The following CERS6 variants were observed in gnomAD, a reference collection of about 807,000 sequenced individuals.
CERS6 encodes ceramide synthase 6, also known as LAG1 homolog, ceramide synthase 6.
In CERS6, 26 loss-of-function variants were observed where a neutral mutation model predicts 56.8. That is an observed-to-expected ratio of 0.46 (90% CI 0.34 to 0.63). The LOEUF (loss-of-function observed/expected upper bound fraction) is 0.63. Among genes scored for constraint, CERS6 ranks in the 30% least tolerant of loss-of-function variants. CERS6 has a pLI of 0.01. For missense variants in CERS6, 415 were observed against 467.5 expected, an observed-to-expected ratio of 0.89 and a Z score of 1.04; for synonymous variants, 164 against 173.3, an observed-to-expected ratio of 0.95 and a Z score of 0.42.
At chr2:168,587,456 T>C (rs1213245299) in intron 3 of CERS6, among the ~76,000 whole-genome samples, 1 of 152,030 alleles carries the variant, frequency 6.6e-6, no homozygotes, top group Admixed American at 6.6e-5. Context: ...AGAGATGGAG[T>C]TGAAAATAAG....
chr2:168,697,198 T>G (rs546130759), intron 6 of CERS6, among the ~76,000 whole-genome samples: 1 of 152,172 alleles, frequency 6.6e-6, no homozygotes, highest in Non-Finnish European at 1.5e-5. Flanking sequence ...CTTAATATGG[T>G]ATATATCAGC....
At chr2:168,672,252 T>C (rs1213022851) in intron 4 of CERS6, among the ~76,000 whole-genome samples, 2 of 152,238 alleles carry the variant, frequency 1.3e-5, no homozygotes, top group Admixed American at 1.3e-4. Context: ...TTTTCCAACA[T>C]TGCCAGTTTC....
intron 1 of CERS6, among the ~76,000 whole-genome samples, chr2:168,468,602 TCA>T (rs1693923677): frequency 6.6e-6 from 1 of 152,178 alleles, no homozygotes; most frequent in African/African-American, 2.4e-5. Flanking sequence ...TCAGGTTTAT[TCA>T]CACACACAAT....
At chr2:168,736,263 G>A (rs1683714566) in intron 8 of CERS6, among the ~76,000 whole-genome samples, 1 of 152,182 alleles carries the variant, frequency 6.6e-6, no homozygotes, top group South Asian at 2.1e-4. Flanking sequence ...GTATAGCACT[G>A]TGTCTATTTC....
chr2:168,538,281 G>T (rs1695302597), intron 1 of CERS6, among the ~76,000 whole-genome samples: 1 of 150,438 alleles, frequency 6.6e-6, no homozygotes, highest in Non-Finnish European at 1.5e-5. Flanking sequence ...GGCCTAGAAG[G>T]CACTGTGTGT....
intron 3 of CERS6, among the ~76,000 whole-genome samples, chr2:168,626,795 A>C (rs1373900156): frequency 2.0e-5 from 3 of 152,040 alleles, no homozygotes; most frequent in African/African-American, 4.8e-5. Flanking sequence ...TTGCTTCCTT[A>C]TATGGAGTCT....
intron 4 of CERS6, among the ~76,000 whole-genome samples, chr2:168,685,548 A>G (rs1686326485): frequency 6.6e-6 from 1 of 152,162 alleles, no homozygotes; most frequent in South Asian, 2.1e-4. Flanking sequence ...TTGACAATGA[A>G]ACCTCTGTAA....
intron 1 of CERS6, among the ~76,000 whole-genome samples, chr2:168,459,188 AG>A (rs1693732603): frequency 6.6e-6 from 1 of 152,270 alleles, no homozygotes; most frequent in Non-Finnish European, 1.5e-5. Context: ...ACCATACCTA[AG>A]AAATACCCGA....
At chr2:168,655,142 A>G (rs1407530829) in intron 4 of CERS6, among the ~76,000 whole-genome samples, 1 of 152,252 alleles carries the variant, frequency 6.6e-6, no homozygotes, top group African/African-American at 2.4e-5. Flanking sequence ...AAGGTGCTCA[A>G]TATCACTAAG....
intron 1 of CERS6, among the ~76,000 whole-genome samples, chr2:168,521,817 T>C (rs1209918618): frequency 6.6e-6 from 1 of 152,226 alleles, no homozygotes; most frequent in Non-Finnish European, 1.5e-5. Flanking sequence ...AAGATCTAAA[T>C]TAGAAATGGA....
chr2:168,619,426 G>C (rs1406233979), intron 3 of CERS6, among the ~76,000 whole-genome samples: 1 of 152,100 alleles, frequency 6.6e-6, no homozygotes, highest in African/African-American at 2.4e-5. Context: ...AGCACCCACA[G>C]AGTGGGAGAA....
At chr2:168,659,695 T>C (rs944040785) in intron 4 of CERS6, among the ~76,000 whole-genome samples, 5 of 152,084 alleles carry the variant, frequency 3.3e-5, no homozygotes, top group Non-Finnish European at 7.3e-5. Context: ...TTTTTTGTTT[T>C]TGTTTTTTTT....
chr2:168,644,577 A>G lies in CERS6; in HGVS notation c.465+13535A>G, dbSNP rs1685127429. 3.3e-5 allele frequency among the ~76,000 whole-genome samples: 5 copies of G among 152,178 alleles called. No homozygotes were observed. In the South Asian group the frequency reaches 8.3e-4, roughly 25 times the overall value. On this transcript the variant is annotated intron_variant, in intron 4 of 9. Coordinates refer to ENST00000305747, the MANE Select transcript of CERS6 (RefSeq NM_203463.3). ...ATCTGTGTTAGCCACTGCAGCAGCC[A>G]TGCTCCTTGTTGTCCCTGGCATTGG...
At chr2:168,654,268 G>A (rs1685415385) in intron 4 of CERS6, among the ~76,000 whole-genome samples, 1 of 152,144 alleles carries the variant, frequency 6.6e-6, no homozygotes, top group Admixed American at 6.5e-5. Context: ...TGTGTCGTAG[G>A]CCTGGTGTGG....
At chr2:168,625,248 A>G (rs1684564387) in intron 3 of CERS6, among the ~76,000 whole-genome samples, 1 of 152,186 alleles carries the variant, frequency 6.6e-6, no homozygotes, top group African/African-American at 2.4e-5. Context: ...TTTTATACAC[A>G]ATAACAGTTT....
At chr2:168,667,023 G>A (rs1685778956) in intron 4 of CERS6, among the ~76,000 whole-genome samples, 3 of 152,266 alleles carry the variant, frequency 2.0e-5, no homozygotes, top group Admixed American at 2.0e-4. Context: ...CCAAAAATAA[G>A]ATTTATGTCA....
chr2:168,683,877 G>A lies in CERS6; in HGVS notation c.466-7157G>A, dbSNP rs144345103. 2.9e-3 allele frequency among the ~76,000 whole-genome samples: 446 copies of A among 152,214 alleles called. 1 individual carries two copies. Among genetic ancestry groups the A allele is most frequent in the Non-Finnish European group, 4.9e-3 (336 of 68,022 alleles). On this transcript the variant is annotated intron_variant, in intron 4 of 9. Coordinates refer to ENST00000305747, the MANE Select transcript of CERS6 (RefSeq NM_203463.3). ...ACGGTGACTGTTAGATGTGTGTGGA[G>A]ACCCTCAGCTGAAAAGAGGCAGAAG...
chr2:168,579,633 A>G (rs76018903), intron 3 of CERS6, among the ~76,000 whole-genome samples: 3,330 of 152,138 alleles, frequency 0.022, 137 homozygotes, highest in East Asian at 0.18. Context: ...ATTTCTACTC[A>G]TCACCCCAAC....
chr2:168,665,922 T>C (rs781572581), intron 4 of CERS6, among the ~76,000 whole-genome samples: 1 of 150,862 alleles, frequency 6.6e-6, no homozygotes, highest in Non-Finnish European at 1.5e-5. Context: ...AACTTGGAGG[T>C]TTTAAGAATT....
Sources: allele counts gnomAD v4.1 joint callset (sites outside exome capture counted in the v4.1 genomes callset), GRCh38; gene constraint gnomAD v4.1.1; transcripts MANE v1.5; gene names NCBI Gene and HGNC (gene_info 2026-07-23, HGNC 2026-07-21).